Variants in DMD observed in about 807,000 individuals in gnomAD.
DMD encodes the protein mutant dystrophin.
A neutral mutation model predicts 330.1 loss-of-function variants in DMD; 63 were observed. The observed-to-expected ratio is 0.19, with a 90% CI of 0.16 to 0.24. The LOEUF is 0.24. Among genes scored for constraint, DMD ranks in the 10% least tolerant of loss-of-function variants. The pLI, the probability that DMD is intolerant of heterozygous loss-of-function variation, is 1.00. For missense variants in DMD, 3,344 were observed against 2,684.1 expected (o/e 1.25, Z -5.43); for synonymous variants, 1,223 against 959.8 (o/e 1.27, Z -5.07).
chrX:32,667,626 C>G (rs925779604), intron 9 of DMD, among the ~76,000 whole-genome samples: 1 of 111,613 alleles, frequency 9.0e-6, no homozygotes, highest in Non-Finnish European at 1.9e-5. Context: ...TTACTGAAAG[C>G]ATAAGATGGA....
At chrX:31,338,309 C>CAAAAAAA (rs752828727) in intron 61 of DMD, among the ~76,000 whole-genome samples, 5 of 53,384 alleles carry the variant, frequency 9.4e-5, no homozygotes, top group Admixed American at 2.5e-4. Context: ...AGTAAAAATA[C>CAAAAAAA]AAAAAAAAAA....
chrX:32,271,621 GT>G (rs1402953369), intron 43 of DMD, among the ~76,000 whole-genome samples: 3 of 112,704 alleles, frequency 2.7e-5, no homozygotes, highest in Non-Finnish European at 5.6e-5. Flanking sequence ...AGAATAGAAG[GT>G]GAAACAAGCA....
chrX:32,433,793 A>T (rs750610788), intron 29 of DMD, among the ~76,000 whole-genome samples: 6 of 112,090 alleles, frequency 5.4e-5, no homozygotes, highest in Non-Finnish European at 7.5e-5. Context: ...GTAACCAAAT[A>T]CTATTACCAA....
At chrX:32,907,528 T>A (rs1025048446) in intron 2 of DMD, among the ~76,000 whole-genome samples, 1 of 111,806 alleles carries the variant, frequency 8.9e-6, no homozygotes, top group Non-Finnish European at 1.9e-5. Flanking sequence ...TAGGAGAGAA[T>A]TGATCAAAAT....
chrX:31,183,861 CT>C (rs368852473), intron 67 of DMD, among the ~76,000 whole-genome samples: 6,748 of 96,372 alleles, frequency 0.07, 411 homozygotes, highest in African/African-American at 0.19. Flanking sequence ...AAAATACCTC[CT>C]TTTTTTAAAA....
At chrX:31,626,366 A>C (rs1465395078) in intron 55 of DMD, among the ~76,000 whole-genome samples, 4 of 112,025 alleles carry the variant, frequency 3.6e-5, no homozygotes, top group Admixed American at 9.5e-5. Flanking sequence ...TATTTATGAA[A>C]TAGCCTAAGC....
chrX:32,960,347 C>T (rs918039176), intron 2 of DMD: 9 of 111,333 alleles, frequency 8.1e-5, no homozygotes, highest in Admixed American at 1.9e-4. Flanking sequence ...CCTGCACAGA[C>T]CTGAACAAAA....
intron 20 of DMD, among the ~76,000 whole-genome samples, chrX:32,485,804 C>T (rs369699499): frequency 8.1e-5 from 7 of 86,242 alleles, no homozygotes; most frequent in Admixed American, 5.0e-4. Context: ...AGTGCAATGA[C>T]GCGATCTTGG....
At chrX:32,756,072 T>A (rs1467603412) in intron 7 of DMD, 3 of 112,519 alleles carry the variant, frequency 2.7e-5, no homozygotes, top group African/African-American at 9.7e-5. Flanking sequence ...TGAATACATT[T>A]ATTTTAAGCA....
chrX:32,352,154 T>G (rs2097783806), intron 37 of DMD, among the ~76,000 whole-genome samples: 1 of 110,758 alleles, frequency 9.0e-6, no homozygotes. Flanking sequence ...ACACTGATTT[T>G]CAAGTAATGC....
At chrX:32,163,214 G>A (rs1395697717) in intron 44 of DMD, among the ~76,000 whole-genome samples, 3 of 111,322 alleles carry the variant, frequency 2.7e-5, no homozygotes, top group Non-Finnish European at 5.7e-5. Context: ...AGCAAACCTG[G>A]TAGTGCTACC....
rs756695927 is a variant in DMD, at chrX:31,871,033, A to G, written c.7098+4155T>C. On this transcript the variant is annotated intron_variant, in intron 48 of 78. Transcript: ENST00000357033. ...TTAAAAACATAAGACCCTTTATAGA[A>G]ATTCTAAACTGGTCCCGGGATCTTA... Among the ~76,000 whole-genome samples the G allele has an allele frequency of 4.5e-5, 5 of 111,910 alleles. No individual in the cohort carries two copies. The South Asian group carries it at 1.9e-3, about 42-fold the overall frequency.
At chrX:31,548,880 G>C (rs2074310349) in intron 55 of DMD, among the ~76,000 whole-genome samples, 1 of 109,703 alleles carries the variant, frequency 9.1e-6, no homozygotes, top group Admixed American at 9.8e-5. Context: ...AGAAGGACTA[G>C]GGCGTGCAAC....
intron 1 of DMD, among the ~76,000 whole-genome samples, chrX:33,154,710 G>GT (rs915388925): frequency 2.6e-4 from 29 of 110,885 alleles, no homozygotes; most frequent in Non-Finnish European, 3.6e-4. Flanking sequence ...TTATATTTGT[G>GT]TTTTTTTGTT....
At chrX:32,292,386 C>T (rs1241519294) in intron 42 of DMD, among the ~76,000 whole-genome samples, 2 of 97,091 alleles carry the variant, frequency 2.1e-5, no homozygotes, top group Non-Finnish European at 4.0e-5. Flanking sequence ...CTGCAAGCTC[C>T]GCCTCCCGGG....
chrX:31,514,190 G>T (rs929237735), intron 55 of DMD, among the ~76,000 whole-genome samples: 2 of 111,735 alleles, frequency 1.8e-5, no homozygotes, highest in African/African-American at 6.5e-5. Flanking sequence ...TACAACAAGA[G>T]AAAACACAAA....
At position 32,736,156 on chromosome X, in the gene DMD, C is replaced by T. The variant is rs772242107; in HGVS notation, c.650-36863G>A. ...AAGACATTTATGCAGCCAAAAGACA[C>T]ATGAAAAAATGCTCATCATCACTGG... On this transcript the variant is annotated intron_variant, in intron 7 of 78. Transcript: ENST00000357033. Among the ~76,000 whole-genome samples, 9 of 112,283 alleles carry T rather than the reference C, an allele frequency of 8.0e-5. No individual in the cohort carries two copies. In the East Asian group the frequency reaches 2.5e-3, roughly 31 times the overall value.
intron 62 of DMD, chrX:31,266,832 C>A: frequency 8.3e-7 from 1 of 1,206,855 alleles, no homozygotes; most frequent in Non-Finnish European, 1.1e-6. Flanking sequence ...TCCCTCATGG[C>A]TGCAAGGGCT....
intron 44 of DMD, among the ~76,000 whole-genome samples, chrX:32,079,853 C>T (rs200403455): frequency 7.2e-5 from 8 of 111,774 alleles, no homozygotes; most frequent in Admixed American, 9.5e-5. Context: ...AATCCCAGTG[C>T]GCCCAAAATT....
Sources: gnomAD v4.1 joint callset for allele counts (sites outside exome capture counted in the v4.1 genomes callset) on GRCh38, gnomAD v4.1.1 for gene constraint, MANE v1.5 for transcripts, NCBI Gene and HGNC (gene_info 2026-07-23, HGNC 2026-07-21) for gene names.